Variants in GPM6A observed in about 807,000 individuals in gnomAD.
The protein encoded by GPM6A is neuronal membrane glycoprotein M6-a.
A neutral mutation model predicts 32.1 loss-of-function variants in GPM6A; 7 were observed. The observed-to-expected ratio is 0.22, with a 90% CI of 0.12 to 0.41. GPM6A has a LOEUF of 0.41. Ranked by LOEUF, GPM6A falls within the 10% of genes least tolerant of loss-of-function variation. The pLI is 1.00. For missense variants in GPM6A, 235 were observed against 347.2 expected, an observed-to-expected ratio of 0.68 and a Z score of 2.57; for synonymous variants, 130 against 123.4, an observed-to-expected ratio of 1.05 and a Z score of -0.35.
intron 1 of GPM6A, among the ~76,000 whole-genome samples, chr4:175,780,310 A>G (rs1277098954): frequency 2.0e-5 from 3 of 152,142 alleles, no homozygotes; most frequent in Non-Finnish European, 1.5e-5. Flanking sequence ...GGCCTCTCAA[A>G]GTGCTGGGAT....
At chr4:175,858,007 A>C (rs1736465946) in intron 1 of GPM6A, among the ~76,000 whole-genome samples, 1 of 152,122 alleles carries the variant, frequency 6.6e-6, no homozygotes, top group African/African-American at 2.4e-5. Context: ...ATCTGAAAAA[A>C]ATGGTCTAGA....
At chr4:175,865,488 T>C (rs1042943010) in intron 1 of GPM6A, among the ~76,000 whole-genome samples, 4 of 152,220 alleles carry the variant, frequency 2.6e-5, no homozygotes, top group African/African-American at 9.6e-5. Flanking sequence ...TCTTGATTGG[T>C]ATTTCATTGA....
chr4:175,643,323 C>G lies in GPM6A; in HGVS notation c.542-2494G>C, dbSNP rs548765804. 1.6e-3 allele frequency among the ~76,000 whole-genome samples: 251 copies of G among 152,300 alleles called. 2 individuals are homozygous for G. In the Middle Eastern group the frequency reaches 0.024, roughly 15 times the overall value. On this transcript the variant is annotated intron_variant, in intron 4 of 6. Coordinates refer to ENST00000393658, the MANE Select transcript of GPM6A (RefSeq NM_201591.3). ...CTCCCCTCAGAATAAAACCCCACAC[C>G]TATAATGTTCTGTAATGCATTCATC...
At chr4:175,823,504 C>T (rs1278187077) in intron 1 of GPM6A, among the ~76,000 whole-genome samples, 2 of 152,132 alleles carry the variant, frequency 1.3e-5, no homozygotes, top group Non-Finnish European at 2.9e-5. Context: ...GTAAATACAA[C>T]TTTATGCAAA....
intron 1 of GPM6A, among the ~76,000 whole-genome samples, chr4:175,817,474 C>T (rs1735144431): frequency 6.6e-6 from 1 of 152,118 alleles, no homozygotes; most frequent in Non-Finnish European, 1.5e-5. Flanking sequence ...CAAGTGCTAC[C>T]AAATAAAAAT....
intron 6 of GPM6A, among the ~76,000 whole-genome samples, 166 bp downstream of exon 6, chr4:175,639,963 T>C (rs113096961): frequency 0.042 from 6,396 of 150,582 alleles, 174 homozygotes; most frequent in Admixed American, 0.073. Flanking sequence ...TGGGGTTTAG[T>C]CTTGTTGTTG....
intron 3 of GPM6A, among the ~76,000 whole-genome samples, chr4:175,665,843 G>A (rs28735527): frequency 0.13 from 18,937 of 151,100 alleles, 1,299 homozygotes; most frequent in East Asian, 0.24. Context: ...TTACTGCAAA[G>A]GAAATTTCCA....
rs886847469 is a variant in GPM6A at position 175,703,360 on chromosome 4, C to T, written c.38-1593G>A. On this transcript the variant is annotated intron_variant, in intron 1 of 6. Coordinates refer to ENST00000393658, the MANE Select transcript of GPM6A (RefSeq NM_201591.3). ...CTATTTTTTGTATTTTTAGTAGAGA[C>T]GGGGTTTTGCCATGTTGGCCAGGCT... is the stretch of plus-strand genomic sequence containing the variant. Among the ~76,000 whole-genome samples the T allele has an allele frequency of 3.3e-5, 5 of 152,016 alleles. 1 individual carries two copies. The South Asian group carries it at 6.2e-4, about 19-fold the overall frequency.
At chr4:175,793,930 C>T (rs1049919232) in intron 1 of GPM6A, among the ~76,000 whole-genome samples, 5 of 152,172 alleles carry the variant, frequency 3.3e-5, no homozygotes, top group African/African-American at 1.2e-4. Flanking sequence ...CCTAATTAGT[C>T]TTTTGACTTT....
intron 1 of GPM6A, among the ~76,000 whole-genome samples, chr4:175,894,762 C>T (rs1043175061): frequency 3.9e-5 from 6 of 152,084 alleles, no homozygotes; most frequent in African/African-American, 7.2e-5. Context: ...TTCAAACACA[C>T]TCTAGTATCA....
intron 1 of GPM6A, among the ~76,000 whole-genome samples, chr4:175,939,043 TA>T (rs1388335950): frequency 1.3e-5 from 2 of 152,030 alleles, no homozygotes; most frequent in African/African-American, 4.8e-5. Flanking sequence ...ATGCTAAATA[TA>T]AATAAACAAA....
intron 1 of GPM6A, among the ~76,000 whole-genome samples, chr4:175,745,035 G>A (rs13144140): frequency 0.22 from 33,053 of 151,832 alleles, 3,866 homozygotes; most frequent in East Asian, 0.26. Context: ...AGTGCAAATC[G>A]TTTTCCTTTT....
intron 1 of GPM6A, among the ~76,000 whole-genome samples, chr4:175,767,469 G>C (rs1306317165): frequency 6.6e-6 from 1 of 152,202 alleles, no homozygotes; most frequent in Non-Finnish European, 1.5e-5. Flanking sequence ...GCTTTACCAT[G>C]AAAACCTCGA....
intron 1 of GPM6A, among the ~76,000 whole-genome samples, chr4:175,894,134 T>G (rs1579604683): frequency 6.6e-6 from 1 of 152,182 alleles, no homozygotes; most frequent in Non-Finnish European, 1.5e-5. Flanking sequence ...CCACCTTCTT[T>G]GTTGATCTTA....
chr4:175,888,747 G>A (rs1444293417), intron 1 of GPM6A, among the ~76,000 whole-genome samples: 2 of 152,028 alleles, frequency 1.3e-5, no homozygotes, highest in Non-Finnish European at 2.9e-5. Flanking sequence ...AATGCTTAAA[G>A]GTAGATATTT....
chr4:175,853,816 T>C (rs957239577), intron 1 of GPM6A, among the ~76,000 whole-genome samples: 2 of 152,154 alleles, frequency 1.3e-5, no homozygotes, highest in Non-Finnish European at 2.9e-5. Flanking sequence ...ACTTTAAGCC[T>C]TCTTAGCAAG....
intron 1 of GPM6A, chr4:175,962,393 C>T: frequency 1.4e-6 from 1 of 735,644 alleles, no homozygotes. Flanking sequence ...ACTCCACCCT[C>T]ACCAAGAACA....
At chr4:175,752,447 AT>A (rs1273831168) in intron 1 of GPM6A, among the ~76,000 whole-genome samples, 1 of 152,010 alleles carries the variant, frequency 6.6e-6, no homozygotes, top group Non-Finnish European at 1.5e-5. Flanking sequence ...TTGCCTAATT[AT>A]TGTCTCCTGG....
At chr4:175,939,654 C>G (rs1393021100) in intron 1 of GPM6A, among the ~76,000 whole-genome samples, 1 of 151,928 alleles carries the variant, frequency 6.6e-6, no homozygotes, top group Non-Finnish European at 1.5e-5. Flanking sequence ...TATAAGCCTA[C>G]CAGATGGAAA....
Sources: allele counts gnomAD v4.1 joint callset (sites outside exome capture counted in the v4.1 genomes callset), GRCh38; gene constraint gnomAD v4.1.1; transcripts MANE v1.5; gene names NCBI Gene and HGNC (gene_info 2026-07-23, HGNC 2026-07-21).